The following LMAN1 variants were observed in gnomAD, a reference collection of about 807,000 sequenced individuals.
LMAN1 encodes protein ERGIC-53.
Under a neutral mutation model 67.8 loss-of-function variants are expected in LMAN1, and 32 were observed. The ratio of observed to expected loss-of-function variants is 0.47; its 90% CI spans 0.36 to 0.63. LMAN1 has a LOEUF of 0.63. LMAN1 is among the 30% of genes least tolerant of loss of function. LMAN1 has a pLI of 0.00. For missense variants in LMAN1, 632 were observed against 628.2 expected, an observed-to-expected ratio of 1.01 and a Z score of -0.06; for synonymous variants, 235 against 219.3, an observed-to-expected ratio of 1.07 and a Z score of -0.63.
At chr18:59,347,997 G>A (rs1259263038) in intron 6 of LMAN1, among the ~76,000 whole-genome samples, 1 of 152,202 alleles carries the variant, frequency 6.6e-6, no homozygotes, top group Non-Finnish European at 1.5e-5. Flanking sequence ...TCCACATACT[G>A]CCGGGTACCT....
chr18:59,337,390 T>C (rs957769678), intron 10 of LMAN1, among the ~76,000 whole-genome samples: 2 of 152,086 alleles, frequency 1.3e-5, no homozygotes, highest in African/African-American at 4.8e-5. Flanking sequence ...GATCCTGGAA[T>C]AGAATAGGCC....
At chr18:59,351,902 C>G (rs1317642917) in intron 5 of LMAN1, among the ~76,000 whole-genome samples, 1 of 152,208 alleles carries the variant, frequency 6.6e-6, no homozygotes, top group Non-Finnish European at 1.5e-5. Context: ...GACACTTGCT[C>G]TATTCTAAGA....
chr18:59,353,344 T>C lies in LMAN1; in HGVS notation c.540-43A>G, dbSNP rs749382384. The C allele has an allele frequency of 5.1e-6, 7 of 1,384,502 alleles. No homozygotes were observed. In the East Asian group the frequency reaches 1.1e-4, roughly 23 times the overall value. 85.8% of individuals were successfully genotyped at this position (1,384,502 alleles called of 1,614,324 possible). On this transcript the variant is annotated intron_variant, in intron 4 of 12. Coordinates refer to ENST00000251047, the MANE Select transcript of LMAN1 (RefSeq NM_005570.4). ...GGAAAACAGACAAGACACTCAGCTT[T>C]TCAATATTTAAAAATTCAGGAAGAC... is the stretch of plus-strand genomic sequence containing the variant.
chr18:59,353,074 T>TA, intron 5 of LMAN1, 128 bp downstream of exon 5: 1 of 809,468 alleles, frequency 1.2e-6, no homozygotes, highest in East Asian at 2.7e-5. Context: ...TCCGTTCTCT[T>TA]AGAGTAACAA....
intron 3 of LMAN1, among the ~76,000 whole-genome samples, chr18:59,354,862 G>C (rs1603396148): frequency 6.6e-6 from 1 of 152,162 alleles, no homozygotes; most frequent in Non-Finnish European, 1.5e-5. Flanking sequence ...GATCTTAACT[G>C]TTTTAGGAGA....
intron 5 of LMAN1, among the ~76,000 whole-genome samples, chr18:59,349,778 T>G (rs1908500901): frequency 6.6e-6 from 1 of 152,148 alleles, no homozygotes; most frequent in African/African-American, 2.4e-5. Flanking sequence ...AAGATGTACG[T>G]TTCTACTTTG....
chr18:59,359,205 G>A lies in LMAN1; in HGVS notation c.40C>T (p.Arg14Trp). Residue 14 changes from arginine (R) to tryptophan (W), a missense_variant, in exon 1 of 13, where the codon CGG (arginine) becomes TGG (tryptophan). Arg to Trp is a moderately radical substitution (Grantham distance 101). Coordinates refer to ENST00000251047, the MANE Select transcript of LMAN1 (RefSeq NM_005570.4). ...AGCAGCAAGGCGCAGAACAGCGGCC[G>A]AACTCTGGCCCGGAGACCCCTTTGC... ...SRQRGLRARV[R>W]PLFCALLLSL... The A allele has an allele frequency of 6.2e-6, 10 of 1,613,982 alleles. No homozygotes were observed. The highest frequency in any genetic ancestry group is 1.1e-5 in the South Asian group (1 of 91,058).
intron 8 of LMAN1, among the ~76,000 whole-genome samples, chr18:59,342,590 A>G (rs1364702430): frequency 6.6e-6 from 1 of 152,146 alleles, no homozygotes; most frequent in Non-Finnish European, 1.5e-5. Context: ...CAACAGACTC[A>G]GAAAGGACAT....
intron 5 of LMAN1, chr18:59,351,354 A>G (rs1908539897): frequency 6.6e-6 from 1 of 152,218 alleles, no homozygotes; most frequent in Admixed American, 6.5e-5. Context: ...AGGGATCTGA[A>G]TTTGTGTGCT....
chr18:59,354,450 A>G lies in LMAN1; in HGVS notation c.539+69T>C, dbSNP rs187465739. The G allele has an allele frequency of 4.6e-4, 402 of 875,356 alleles. No homozygotes were observed. The African/African-American group carries it at 5.8e-3, about 13-fold the overall frequency. The allele number at this position is 875,356 out of a possible 1,614,324, so 54.2% of individuals were successfully genotyped here. A position where few individuals can be genotyped will look rare whatever the true frequency, so the allele number is the denominator to read the frequency against. The stretch of plus-strand genomic sequence containing the variant: ...TCATTTGGAAGGTGTTCAGATTTGA[A>G]ACAATGTATTTCATAAGGATTCCAA... On this transcript the variant is annotated intron_variant, in intron 4 of 12. Coordinates refer to ENST00000251047, the MANE Select transcript of LMAN1 (RefSeq NM_005570.4).
intron 11 of LMAN1, among the ~76,000 whole-genome samples, chr18:59,332,002 C>G (rs2070750532): frequency 6.6e-6 from 1 of 152,146 alleles, no homozygotes; most frequent in Non-Finnish European, 1.5e-5. Context: ...TCCTCATTCT[C>G]TACAATCTCA....
At chr18:59,334,634 A>G (rs758640075) in intron 10 of LMAN1, among the ~76,000 whole-genome samples, 60 of 152,222 alleles carry the variant, frequency 3.9e-4, no homozygotes, top group Non-Finnish European at 7.3e-4. Context: ...GCCAAAGAAT[A>G]CCAGGAGTGA....
At chr18:59,342,030 G>A (rs553768749) in intron 8 of LMAN1, among the ~76,000 whole-genome samples, 2 of 152,008 alleles carry the variant, frequency 1.3e-5, no homozygotes, top group East Asian at 1.9e-4. Flanking sequence ...ACAAAAGATC[G>A]TCAGAAACTA....
At chr18:59,355,080 C>CTG (rs1325373489) in intron 3 of LMAN1, among the ~76,000 whole-genome samples, 2 of 152,156 alleles carry the variant, frequency 1.3e-5, no homozygotes, top group African/African-American at 2.4e-5. Flanking sequence ...CTGCAAAGTT[C>CTG]TGAGAGTCAG....
intron 11 of LMAN1, among the ~76,000 whole-genome samples, chr18:59,332,317 A>G (rs2070752538): frequency 6.6e-6 from 1 of 152,154 alleles, no homozygotes; most frequent in African/African-American, 2.4e-5. Flanking sequence ...GTCATGATCA[A>G]TAAGAAAACT....
At chr18:59,338,982 G>C in intron 8 of LMAN1, 29 bp from the exon 9 acceptor site, 1 of 1,587,630 alleles carries the variant, frequency 6.3e-7, no homozygotes, top group Non-Finnish European at 8.6e-7. Flanking sequence ...AAAATGATCA[G>C]AGTCACCTAC....
intron 10 of LMAN1, among the ~76,000 whole-genome samples, chr18:59,337,333 A>C (rs1397707108): frequency 6.6e-6 from 1 of 152,142 alleles, no homozygotes; most frequent in Non-Finnish European, 1.5e-5. Context: ...AGACTGCAGA[A>C]GGCTAAAGAG....
In LMAN1 at chr18:59,338,538, G is replaced by A. The variant is rs199958710; in HGVS notation, c.1220+19C>T. On this transcript the variant is annotated intron_variant, in intron 10 of 12. Transcript: ENST00000251047. The stretch of plus-strand genomic sequence containing the variant: ...AAAAAAAATCACATAACACACAAAC[G>A]CTACTTTTCCATACTTACTTCATTT... The A allele has an allele frequency of 1.3e-4, 211 of 1,600,586 alleles. 3 individuals carry two copies. Among genetic ancestry groups the A allele is most frequent in the South Asian group, 1.2e-3 (113 of 90,784 alleles).
At chr18:59,331,353 A>C (rs2144207219) in intron 12 of LMAN1, 65 bp downstream of exon 12, 1 of 1,445,992 alleles carries the variant, frequency 6.9e-7, no homozygotes, top group South Asian at 1.2e-5. Flanking sequence ...TAGATAACTT[A>C]GTTGAATATT....
Sources: allele counts gnomAD v4.1 joint callset (sites outside exome capture counted in the v4.1 genomes callset), GRCh38; gene constraint gnomAD v4.1.1; transcripts MANE v1.5; gene names NCBI Gene and HGNC (gene_info 2026-07-23, HGNC 2026-07-21).